MAD1L1: variants seen among roughly 807,000 people sequenced by gnomAD.
MAD1L1 encodes mitotic arrest deficient 1 like 1.
MAD1L1 carries 95 observed loss-of-function variants against 96.9 expected under a neutral mutation model. The observed-to-expected ratio is 0.98, with a 90% CI of 0.83 to 1.16. MAD1L1 has a LOEUF of 1.16. MAD1L1 is among the 50% of genes most tolerant of loss of function. The pLI is 0.00. For missense variants in MAD1L1, 1,007 were observed against 954.4 expected, an observed-to-expected ratio of 1.06 and a Z score of -0.73; for synonymous variants, 473 against 396.6, an observed-to-expected ratio of 1.19 and a Z score of -2.29.
rs190446596 is a variant in MAD1L1 at position 2,048,724 on chromosome 7, G to A, written c.1218+20470C>T. Among the ~76,000 whole-genome samples the A allele has an allele frequency of 1.3e-3, 198 of 152,298 alleles. 2 individuals are homozygous for A. The East Asian group carries it at 0.015, about 11-fold the overall frequency. ...TGCAGAAAACCGCACTCAGCTGAAC[G>A]GAGCTGTGATGGGAGCCTCCCGAGC... On this transcript the variant is annotated intron_variant, in intron 12 of 18. Transcript: ENST00000265854.
intron 17 of MAD1L1, among the ~76,000 whole-genome samples, chr7:1,911,990 G>A (rs1788046296): frequency 6.6e-6 from 1 of 152,250 alleles, no homozygotes; most frequent in Non-Finnish European, 1.5e-5. Flanking sequence ...GGTGGGAGTG[G>A]GCTGGGTTCC....
At chr7:2,192,280 G>A (rs1053828999) in intron 10 of MAD1L1, among the ~76,000 whole-genome samples, 1 of 151,982 alleles carries the variant, frequency 6.6e-6, no homozygotes, top group South Asian at 2.1e-4. Context: ...ACAGGCACAT[G>A]CCACCACGCC....
chr7:1,825,112 A>C (rs1351897826), intron 18 of MAD1L1, among the ~76,000 whole-genome samples: 1 of 152,208 alleles, frequency 6.6e-6, no homozygotes, highest in Non-Finnish European at 1.5e-5. Flanking sequence ...TGTAATTAGG[A>C]AAAATGTATA....
chr7:2,081,703 C>T (rs1201539929), intron 11 of MAD1L1, among the ~76,000 whole-genome samples: 2 of 152,228 alleles, frequency 1.3e-5, no homozygotes, highest in African/African-American at 2.4e-5. Flanking sequence ...CCGTGGTCGG[C>T]GGAGCACAAC....
At chr7:2,209,518 G>A (rs1328540686) in intron 10 of MAD1L1, among the ~76,000 whole-genome samples, 1 of 152,312 alleles carries the variant, frequency 6.6e-6, no homozygotes, top group Admixed American at 6.5e-5. Context: ...AGGAACAGTG[G>A]CCACAAGCCC....
At chr7:1,934,294 C>CCCGGGCACCTGTCACAGCCAGATG (rs1399767301) in intron 17 of MAD1L1, among the ~76,000 whole-genome samples, 1 of 152,202 alleles carries the variant, frequency 6.6e-6, no homozygotes, top group Non-Finnish European at 1.5e-5. Context: ...TCAGCCATGG[C>CCCGGGCACCTGTCACAGCCAGATG]CCGGGCACCT....
intron 14 of MAD1L1, among the ~76,000 whole-genome samples, chr7:1,996,718 A>G (rs1221128200): frequency 1.3e-4 from 20 of 152,224 alleles, no homozygotes; most frequent in Admixed American, 1.3e-3. Flanking sequence ...GGGAGCAAGG[A>G]GCAGGCACAG....
chr7:1,816,070 C>G lies in MAD1L1; in HGVS notation c.2157G>C (p.Ter719TyrextTer7). 1 of 1,608,762 alleles carries G rather than the reference C, an allele frequency of 6.2e-7. No homozygotes were observed. The highest frequency in any genetic ancestry group is 8.5e-7 in the Non-Finnish European group (1 of 1,177,548). Residue 719 changes from the stop codon to tyrosine, a stop_lost, in exon 19 of 19, where the codon TAG becomes TAC. Transcript: ENST00000265854. Reference sequence around the variant, plus strand: ...CCGGCTATGCCCCCGAGCCTGCAGGCTACGCCACGGTCTGGCGGCTGAAGA... The same window carrying G: ...CCGGCTATGCCCCCGAGCCTGCAGGGTACGCCACGGTCTGGCGGCTGAAGA... ...LELFSRQTVA[*>Y]
intron 18 of MAD1L1, among the ~76,000 whole-genome samples, chr7:1,831,030 A>C (rs1255636525): frequency 5.3e-5 from 8 of 152,276 alleles, no homozygotes; most frequent in Non-Finnish European, 1.2e-4. Context: ...AGTAGATTAA[A>C]AGTAACGTGA....
chr7:1,898,308 G>T lies in MAD1L1; in HGVS notation c.1890C>A (p.Arg630=). Residue 630 remains arginine (R), a synonymous_variant, in exon 18 of 19, where the codon CGC becomes CGA. Coordinates refer to ENST00000265854, the MANE Select transcript of MAD1L1 (RefSeq NM_001013836.2). ...EVFQTKIQEF[R]KACYTLTGYQ... ...AGCCGGTGAGCGTGTAGCAGGCCTT[G>T]CGGAACTCCTGGATCTTGGTCTGGA... 1 of 1,614,144 alleles carries T rather than the reference G, an allele frequency of 6.2e-7. No homozygotes were observed. Among genetic ancestry groups the T allele is most frequent in the African/African-American group, 1.3e-5 (1 of 75,050 alleles).
At position 2,221,039 on chromosome 7, in the gene MAD1L1, C is replaced by G; in HGVS notation, c.471+1536G>C. ...ATCAGGACCCTGTGACAGGAGAAGG[C>G]AGTCAAGGCCTAGTGCGCAGGGAGG... On this transcript the variant is annotated intron_variant, in intron 5 of 18. Transcript: ENST00000265854. 4.3e-6 allele frequency: 7 copies of G among 1,610,448 alleles called. 1 individual carries two copies. Among genetic ancestry groups the G allele is most frequent in the Non-Finnish European group, 5.1e-6 (6 of 1,178,794 alleles).
At chr7:1,944,987 G>A (rs1361514084) in intron 16 of MAD1L1, among the ~76,000 whole-genome samples, 2 of 152,214 alleles carry the variant, frequency 1.3e-5, no homozygotes, top group Non-Finnish European at 2.9e-5. Flanking sequence ...GGAGCCGGAA[G>A]CAGAGGGAGA....
At chr7:2,045,277 T>C (rs1783871462) in intron 12 of MAD1L1, among the ~76,000 whole-genome samples, 1 of 151,910 alleles carries the variant, frequency 6.6e-6, no homozygotes, top group Non-Finnish European at 1.5e-5. Flanking sequence ...GTGAGAGTCC[T>C]CGTATCCCTG....
intron 11 of MAD1L1, among the ~76,000 whole-genome samples, chr7:2,134,613 A>G (rs2128570513): frequency 6.6e-6 from 1 of 152,348 alleles, no homozygotes; most frequent in South Asian, 2.1e-4. Flanking sequence ...ACAAGTAATA[A>G]GAAATTAGCT....
At chr7:1,839,729 G>C (rs1226120194) in intron 18 of MAD1L1, among the ~76,000 whole-genome samples, 2 of 152,132 alleles carry the variant, frequency 1.3e-5, no homozygotes, top group African/African-American at 2.4e-5. Flanking sequence ...CCTTCAGTTA[G>C]AACATCCCCC....
At chr7:1,917,974 G>A (rs1341157580) in intron 17 of MAD1L1, among the ~76,000 whole-genome samples, 1 of 152,192 alleles carries the variant, frequency 6.6e-6, no homozygotes, top group Non-Finnish European at 1.5e-5. Context: ...CCAGAGCCCA[G>A]CAGACTAGAT....
chr7:1,996,246 C>T (rs183185917), intron 14 of MAD1L1, among the ~76,000 whole-genome samples: 16 of 87,784 alleles, frequency 1.8e-4, no homozygotes, highest in Admixed American at 5.0e-4. Flanking sequence ...CCCGGGTCTA[C>T]ACACGGCTCC....
intron 15 of MAD1L1, among the ~76,000 whole-genome samples, chr7:1,966,795 G>A (rs1442750312): frequency 2.6e-5 from 4 of 152,242 alleles, no homozygotes; most frequent in African/African-American, 4.8e-5. Flanking sequence ...GAGGAACGCC[G>A]CAATCGTGGC....
intron 11 of MAD1L1, among the ~76,000 whole-genome samples, chr7:2,089,672 CACGCCCACCCCAT>C (rs2128544161): frequency 6.7e-6 from 1 of 150,252 alleles, no homozygotes; most frequent in East Asian, 2.0e-4. Flanking sequence ...GCCCACCCCA[CACGCCCACCCCAT>C]CACGTGCATC....
Sources: gnomAD v4.1 joint callset for allele counts (sites outside exome capture counted in the v4.1 genomes callset) on GRCh38, gnomAD v4.1.1 for gene constraint, MANE v1.5 for transcripts, NCBI Gene and HGNC (gene_info 2026-07-23, HGNC 2026-07-21) for gene names.